The following ROBO2 variants were observed in gnomAD, a reference collection of about 807,000 sequenced individuals.
ROBO2 encodes roundabout homolog 2.
In ROBO2, 53 loss-of-function variants were observed where a neutral mutation model predicts 160.8. That is an observed-to-expected ratio of 0.33 (90% CI 0.26 to 0.41). ROBO2 has a LOEUF of 0.41. Among genes scored for constraint, ROBO2 ranks in the 10% least tolerant of loss-of-function variants. ROBO2 has a pLI of 1.00. For synonymous variants in ROBO2, 664 were observed against 611.7 expected, an observed-to-expected ratio of 1.09 and a Z score of -1.26; for missense variants, 1,577 against 1,722.4, an observed-to-expected ratio of 0.92 and a Z score of 1.49.
At chr3:76,365,712 A>G (rs1222638141) in intron 2 of ROBO2, among the ~76,000 whole-genome samples, 2 of 152,054 alleles carry the variant, frequency 1.3e-5, no homozygotes, top group African/African-American at 4.8e-5. Context: ...ATGTATTGCA[A>G]ATATCTTGAA....
chr3:76,979,737 C>G lies in ROBO2; in HGVS notation c.110-118277C>G, dbSNP rs77911992. Among the ~76,000 whole-genome samples, 845 of 143,358 alleles carry G rather than the reference C, an allele frequency of 5.9e-3. 6 individuals carry two copies. Among genetic ancestry groups the G allele is most frequent in the African/African-American group, 0.02 (797 of 38,954 alleles). The allele number at this position is 143,358 out of a possible 152,430, so 94.0% of individuals were successfully genotyped here. ...AGAGAAAAGTAACATCTTCCAATTA[C>G]TTTTCTTACACACACACACACACAC... is the stretch of plus-strand genomic sequence containing the variant. On this transcript the variant is annotated intron_variant, in intron 2 of 26. Coordinates refer to the ROBO2 transcript ENST00000487694.
chr3:77,009,736 A>G (rs2061767079), intron 2 of ROBO2, among the ~76,000 whole-genome samples: 1 of 152,022 alleles, frequency 6.6e-6, no homozygotes, highest in Non-Finnish European at 1.5e-5. Flanking sequence ...GCCTGAGGTC[A>G]GGAGTTCAGG....
intron 2 of ROBO2, among the ~76,000 whole-genome samples, chr3:76,852,846 C>T (rs1158088325): frequency 6.6e-6 from 1 of 151,930 alleles, no homozygotes; most frequent in South Asian, 2.1e-4. Flanking sequence ...ATATATATGT[C>T]GTGATAGTTG....
chr3:76,327,592 C>T (rs1026204370), intron 2 of ROBO2, among the ~76,000 whole-genome samples: 2 of 152,064 alleles, frequency 1.3e-5, no homozygotes, highest in Admixed American at 1.3e-4. Flanking sequence ...AGAAGATGAT[C>T]CTTGGACACT....
intron 2 of ROBO2, among the ~76,000 whole-genome samples, chr3:75,960,113 G>A (rs544136051): frequency 1.3e-5 from 2 of 151,730 alleles, no homozygotes; most frequent in South Asian, 4.2e-4. Context: ...AGAGGGCCAG[G>A]GGCTGGAAAA....
chr3:77,592,528 A>C (rs2094204198), intron 17 of ROBO2, among the ~76,000 whole-genome samples: 1 of 151,978 alleles, frequency 6.6e-6, no homozygotes, highest in African/African-American at 2.4e-5. Flanking sequence ...ACTTTAATGC[A>C]TTATGTGTGT....
intron 1 of ROBO2, among the ~76,000 whole-genome samples, chr3:77,070,856 G>A (rs2067335941): frequency 6.6e-6 from 1 of 152,074 alleles, no homozygotes; most frequent in African/African-American, 2.4e-5. Context: ...TAGAAACAAG[G>A]GCAAGCTTTG....
rs188842183 is a variant in ROBO2 at position 76,612,910 on chromosome 3, T to C, written c.110-485104T>C. On this transcript the variant is annotated intron_variant, in intron 2 of 26. Transcript: ENST00000487694. Reference sequence around the variant, plus strand: ...AAGTATAGCTACTACTGCTCTTTTTTGATTTCCATTCATATGGAATACCTT... The same window carrying C: ...AAGTATAGCTACTACTGCTCTTTTTCGATTTCCATTCATATGGAATACCTT... Among the ~76,000 whole-genome samples the C allele has an allele frequency of 5.8e-3, 877 of 152,298 alleles. 10 individuals are homozygous for C. In the South Asian group the frequency reaches 0.059, roughly 10 times the overall value.
intron 2 of ROBO2, among the ~76,000 whole-genome samples, chr3:76,729,916 G>A (rs1010587578): frequency 1.3e-5 from 2 of 152,024 alleles, no homozygotes; most frequent in Admixed American, 6.6e-5. Flanking sequence ...GGGATTATGG[G>A]CGTGAGCCAC....
intron 2 of ROBO2, among the ~76,000 whole-genome samples, chr3:76,247,296 A>G (rs574138233): frequency 1.3e-5 from 2 of 152,224 alleles, no homozygotes; most frequent in South Asian, 2.1e-4. Flanking sequence ...AAAAGTCTCC[A>G]TGGTATCTCC....
chr3:76,330,874 G>A (rs1559776012), intron 2 of ROBO2, among the ~76,000 whole-genome samples: 1 of 152,180 alleles, frequency 6.6e-6, no homozygotes, highest in Admixed American at 6.5e-5. Flanking sequence ...GTGGGGTCAC[G>A]TCTGATTGAT....
At chr3:77,590,860 G>A (rs983248969) in intron 17 of ROBO2, among the ~76,000 whole-genome samples, 2 of 151,958 alleles carry the variant, frequency 1.3e-5, no homozygotes, top group Non-Finnish European at 2.9e-5. Flanking sequence ...TGATCATTGA[G>A]CTTGACAAGA....
At chr3:76,931,017 C>T (rs1432854467) in intron 2 of ROBO2, among the ~76,000 whole-genome samples, 1 of 152,084 alleles carries the variant, frequency 6.6e-6, no homozygotes, top group Non-Finnish European at 1.5e-5. Context: ...AGAATGTAAG[C>T]TCTGTGAGAG....
chr3:76,416,160 TA>T (rs1451991739), intron 2 of ROBO2, among the ~76,000 whole-genome samples: 1 of 151,924 alleles, frequency 6.6e-6, no homozygotes, highest in African/African-American at 2.4e-5. Context: ...TCTGTGGTTT[TA>T]AAAAATAATA....
At chr3:76,345,368 GAT>G (rs1264216247) in intron 2 of ROBO2, among the ~76,000 whole-genome samples, 1 of 151,272 alleles carries the variant, frequency 6.6e-6, no homozygotes, top group African/African-American at 2.4e-5. Flanking sequence ...ATGAATGTGA[GAT>G]GTGTGAGAAT....
chr3:77,280,367 G>A (rs1044872850), intron 2 of ROBO2, among the ~76,000 whole-genome samples: 2 of 152,068 alleles, frequency 1.3e-5, no homozygotes, highest in Non-Finnish European at 2.9e-5. Context: ...TTAAATCTAG[G>A]GTTGATAAAT....
chr3:77,351,676 T>C (rs2068352251), intron 2 of ROBO2, among the ~76,000 whole-genome samples: 1 of 152,102 alleles, frequency 6.6e-6, no homozygotes, highest in African/African-American at 2.4e-5. Context: ...TATCAGCAAG[T>C]AGAATGGAGG....
intron 2 of ROBO2, chr3:77,317,491 C>A: frequency 6.7e-7 from 1 of 1,502,096 alleles, no homozygotes; most frequent in South Asian, 1.1e-5. Flanking sequence ...CTTGTAAACT[C>A]CGATCCATCC....
intron 2 of ROBO2, among the ~76,000 whole-genome samples, chr3:76,644,928 A>T (rs1187923082): frequency 6.6e-6 from 1 of 152,256 alleles, no homozygotes; most frequent in East Asian, 1.9e-4. Flanking sequence ...ATGGGCACTC[A>T]GAATTTTCTT....
Sources: allele counts gnomAD v4.1 joint callset (sites outside exome capture counted in the v4.1 genomes callset), GRCh38; gene constraint gnomAD v4.1.1; transcripts MANE v1.5; gene names NCBI Gene and HGNC (gene_info 2026-07-23, HGNC 2026-07-21).